SLC10A4: variants seen among roughly 807,000 people sequenced by gnomAD.
SLC10A4 encodes the protein putative sodium/bile acid cotransporter 4.
In SLC10A4, 17 loss-of-function variants were observed where a neutral mutation model predicts 22.5. The observed-to-expected ratio is 0.76, with a 90% confidence interval of 0.52 to 1.14. The LOEUF (loss-of-function observed/expected upper bound fraction) is 1.14. Ranked by LOEUF, SLC10A4 falls within the 50% of genes most tolerant of loss-of-function variation. The probability of loss-of-function intolerance (pLI) is 0.00; values close to 1 mark genes in which losing one functional copy is unlikely to be tolerated. For missense variants in SLC10A4, 548 were observed against 584.0 expected, an observed-to-expected ratio of 0.94 and a Z score of 0.64; for synonymous variants, 257 against 258.2, an observed-to-expected ratio of 1.00 and a Z score of 0.04.
At chr4:48,487,944 C>T (rs559829105) in intron 2 of SLC10A4, among the ~76,000 whole-genome samples, 2 of 151,492 alleles carry the variant, frequency 1.3e-5, no homozygotes, top group Non-Finnish European at 2.9e-5. Flanking sequence ...GCTGGGATTA[C>T]AGGCATTCAC....
In SLC10A4 at chr4:48,488,485, T is replaced by C. The variant is rs1560481052; in HGVS notation, c.860T>C (p.Met287Thr). 6.2e-7 allele frequency: 1 copy of C among 1,613,752 alleles called. No individual in the cohort carries two copies. The highest frequency in any genetic ancestry group is 2.2e-5 in the East Asian group (1 of 44,866). Residue 287 changes from methionine to threonine, a missense_variant, in exon 3 of 3, where the codon ATG (methionine) becomes ACG (threonine). By Grantham distance (81) the Met-to-Thr change is moderately conservative. This residue lies in a region of SLC10A4 where 314 missense variants were observed against 353.2 expected (regional missense o/e 0.89). Coordinates refer to ENST00000273861, the MANE Select transcript of SLC10A4 (RefSeq NM_152679.4). ...GTCCTTTTCATAATGACCGGCACTA[T>C]GTTAGGACCTGAACTGCTGGCAAGT... ...LVVLFIMTGT[M>T]LGPELLASIP... is the part of the protein sequence containing the mutation.
chr4:48,483,512 CGA>C lies in SLC10A4; in HGVS notation c.-46_-45del. 7.0e-7 allele frequency: 1 copy of C among 1,422,058 alleles called. No individual in the cohort carries two copies. Among genetic ancestry groups the C allele is most frequent in the Non-Finnish European group, 9.3e-7 (1 of 1,078,348 alleles). The allele number at this position is 1,422,058 out of a possible 1,614,324, so 88.1% of individuals were successfully genotyped here. A position where few individuals can be genotyped will look rare whatever the true frequency, so the allele number is the denominator to read the frequency against. ...GGCGACTGCGGCGACCGCGGGACGG[CGA>C]GAGGCACGCGGCGGGAGGGGACCGG... On this transcript the variant is annotated 5_prime_UTR_variant, in exon 1 of 3. Coordinates refer to ENST00000273861, the MANE Select transcript of SLC10A4 (RefSeq NM_152679.4). The surrounding 1 kb of genome is among the most constrained non-coding windows in gnomAD (Gnocchi z 5.4).
chr4:48,483,509 C>A lies in SLC10A4; in HGVS notation c.-53C>A, dbSNP rs1718216700. 1 of 1,408,038 alleles carries A rather than the reference C, an allele frequency of 7.1e-7. No individual in the cohort carries two copies. The highest frequency in any genetic ancestry group is 9.4e-7 in the Non-Finnish European group (1 of 1,068,188). The allele number at this position is 1,408,038 out of a possible 1,614,324, so 87.2% of individuals were successfully genotyped here. ...GGCGGCGACTGCGGCGACCGCGGGA[C>A]GGCGAGAGGCACGCGGCGGGAGGGG... On this transcript the variant is annotated 5_prime_UTR_variant, in exon 1 of 3. Transcript: ENST00000273861. The surrounding 1 kb of genome is among the most constrained non-coding windows in gnomAD (Gnocchi z 5.4).
At position 48,483,801 on chromosome 4, in the gene SLC10A4, C is replaced by CG; in HGVS notation, c.242dup (p.Ser83PhefsTer109). ...GCCTCGCGGGCGGCGCGGCGAGCCA[C>CG]GGCCCTTCCCCGTTCCCTCGGCCCT... On this transcript the variant is annotated frameshift_variant, in exon 1 of 3. Transcript: ENST00000273861. LOFTEE classifies it high-confidence loss of function. The surrounding 1 kb of genome is among the most constrained non-coding windows in gnomAD (Gnocchi z 5.4). The CG allele has an allele frequency of 6.6e-7, 1 of 1,513,142 alleles. No homozygotes were observed. Among genetic ancestry groups the CG allele is most frequent in the Middle Eastern group, 2.3e-4 (1 of 4,328 alleles). 93.7% of individuals were successfully genotyped at this position (1,513,142 alleles called of 1,614,324 possible). A position where few individuals can be genotyped will look rare whatever the true frequency, so the allele number is the denominator to read the frequency against.
At position 48,488,600 on chromosome 4, in the gene SLC10A4, A is replaced by G. The variant is rs34482685; in HGVS notation, c.975A>G (p.Pro325=). 1.9e-3 allele frequency: 3,010 copies of G among 1,613,928 alleles called. 44 individuals are homozygous for G. In the African/African-American group the frequency reaches 0.035, roughly 19 times the overall value. The change falls in exon 3 of 3, where the codon CCA becomes CCG. Residue 325 remains proline, a synonymous_variant. Transcript: ENST00000273861. ...GTTTAGCTACTCTCTTCCATCTTCC[A>G]CCCAACTGCAAGAGGACTGTATGTC... ...GYGLATLFHL[P]PNCKRTVCLE...
chr4:48,488,621 A>G lies in SLC10A4; in HGVS notation c.996A>G (p.Val332=). The change falls in exon 3 of 3, where the codon GTA becomes GTG. Residue 332 remains valine, a synonymous_variant. Coordinates refer to ENST00000273861, the MANE Select transcript of SLC10A4 (RefSeq NM_152679.4). ...TTCCACCCAACTGCAAGAGGACTGT[A>G]TGTCTGGAAACAGGTAGTCAGAATG... ...FHLPPNCKRT[V]CLETGSQNVQ... 6.2e-7 allele frequency: 1 copy of G among 1,614,138 alleles called. No homozygotes were observed. Among genetic ancestry groups the G allele is most frequent in the Non-Finnish European group, 8.5e-7 (1 of 1,180,026 alleles).
intron 1 of SLC10A4, 58 bp downstream of exon 1, chr4:48,484,209 G>T: frequency 6.8e-7 from 1 of 1,468,644 alleles, no homozygotes. Context: ...GTTTACGGCC[G>T]TGGGCTCACG....
rs1577769860 is a variant in SLC10A4, at chr4:48,489,005, T to G, written c.*66T>G. ...GCTTCATATTTATAGCCTGTGGTAG[T>G]GCACATGGTTAACATAAAAGATAAC... On this transcript the variant is annotated 3_prime_UTR_variant, in exon 3 of 3. Transcript: ENST00000273861. 4.7e-6 allele frequency: 7 copies of G among 1,491,424 alleles called. No homozygotes were observed. In the East Asian group the frequency reaches 1.1e-4, roughly 24 times the overall value. 92.4% of individuals were successfully genotyped at this position (1,491,424 alleles called of 1,614,324 possible). A position where few individuals can be genotyped will look rare whatever the true frequency, so the allele number is the denominator to read the frequency against.
chr4:48,488,458 T>C lies in SLC10A4; in HGVS notation c.833T>C (p.Val278Ala). The C allele has an allele frequency of 6.2e-7, 1 of 1,611,686 alleles. No homozygotes were observed. The highest frequency in any genetic ancestry group is 1.1e-5 in the South Asian group (1 of 90,776). Reference protein sequence around the residue: ...VSLWSLLVTLVVLFIMTGTML... With the variant: ...VSLWSLLVTLAVLFIMTGTML... ...CTGTGGTCTCTGCTAGTGACTCTGG[T>C]GGTCCTTTTCATAATGACCGGCACT... The change falls in exon 3 of 3, where the codon GTG becomes GCG. Residue 278 changes from valine (V) to alanine (A), a missense_variant. Transcript: ENST00000273861.
intron 2 of SLC10A4, 30 bp downstream of exon 2, chr4:48,485,172 G>T (rs1718263428): frequency 2.0e-5 from 32 of 1,601,962 alleles, no homozygotes; most frequent in Non-Finnish European, 2.7e-5. Flanking sequence ...TTCCATACTA[G>T]CTTGGAGAGC....
chr4:48,488,905 T>C lies in SLC10A4; in HGVS notation c.1280T>C (p.Ile427Thr), dbSNP rs557480191. Residue 427 changes from isoleucine (I) to threonine (T), a missense_variant, in exon 3 of 3, where the codon ATA (isoleucine) becomes ACA (threonine). Transcript: ENST00000273861. ...TSYGTVKAEN[I>T]IMMETAQTSL is the part of the protein sequence containing the mutation. ...TATGGCACAGTGAAAGCAGAAAATA[T>C]AATAATGATGGAAACCGCTCAGACT... 3 of 1,606,606 alleles carry C rather than the reference T, an allele frequency of 1.9e-6. No individual in the cohort carries two copies. Among genetic ancestry groups the C allele is most frequent in the Admixed American group, 1.7e-5 (1 of 58,514 alleles).
At chr4:48,485,487 G>A (rs1359615436) in intron 2 of SLC10A4, among the ~76,000 whole-genome samples, 1 of 144,220 alleles carries the variant, frequency 6.9e-6, no homozygotes, top group Non-Finnish European at 1.5e-5. Flanking sequence ...CATAAAAGCA[G>A]ATTAAATAAA....
At position 48,483,642 on chromosome 4, in the gene SLC10A4, C is replaced by A; in HGVS notation, c.81C>A (p.Ser27Arg). The part of the protein sequence containing the change: ...DNYTLAPNAS[S>R]LGPGTDLALA... ...ACACCCTGGCGCCCAATGCCAGCAGCCTGGGCCCCGGCACGGACCTCGCCC... is the reference window on the plus strand; with the variant it reads ...ACACCCTGGCGCCCAATGCCAGCAGACTGGGCCCCGGCACGGACCTCGCCC... Residue 27 changes from serine to arginine, a missense_variant, in exon 1 of 3, where the codon AGC becomes AGA. Physicochemically the swap from Ser to Arg is moderately radical, Grantham distance 110. This residue lies in a region of SLC10A4 where 225 missense variants were observed against 206.9 expected (regional missense o/e 1.09). Coordinates refer to ENST00000273861, the MANE Select transcript of SLC10A4 (RefSeq NM_152679.4). The surrounding 1 kb of genome is among the most constrained non-coding windows in gnomAD (Gnocchi z 5.4). 1 of 1,491,144 alleles carries A rather than the reference C, an allele frequency of 6.7e-7. No individual in the cohort carries two copies. Among genetic ancestry groups the A allele is most frequent in the South Asian group, 1.3e-5 (1 of 79,966 alleles). 92.4% of individuals were successfully genotyped at this position (1,491,144 alleles called of 1,614,324 possible).
rs146029985 is a variant in SLC10A4, at chr4:48,488,922, G to A, written c.1297G>A (p.Ala433Thr). ...KAENIIMMET[A>T]QTSL is the part of the protein sequence containing the mutation. ...AGAAAATATAATAATGATGGAAACC[G>A]CTCAGACTTCTCTCTAAATGTGGAG... The change falls in exon 3 of 3, where the codon GCT becomes ACT. Residue 433 changes from alanine to threonine, a missense_variant. Physicochemically the swap from Ala to Thr is moderately conservative, Grantham distance 58. Coordinates refer to ENST00000273861, the MANE Select transcript of SLC10A4 (RefSeq NM_152679.4). 75 of 1,594,168 alleles carry A rather than the reference G, an allele frequency of 4.7e-5. No individual in the cohort carries two copies. In the African/African-American group the frequency reaches 7.0e-4, roughly 15 times the overall value.
intron 2 of SLC10A4, among the ~76,000 whole-genome samples, chr4:48,486,374 C>A (rs1200866482): frequency 1.3e-5 from 2 of 151,750 alleles, no homozygotes; most frequent in African/African-American, 2.4e-5. Flanking sequence ...GCATTAAGAA[C>A]TTGTTAATCT....
At position 48,483,795 on chromosome 4, in the gene SLC10A4, G is replaced by A; in HGVS notation, c.234G>A (p.Ala78=). 6.6e-7 allele frequency: 1 copy of A among 1,505,016 alleles called. No individual in the cohort carries two copies. 93.2% of individuals were successfully genotyped at this position (1,505,016 alleles called of 1,614,324 possible). A position where few individuals can be genotyped will look rare whatever the true frequency, so the allele number is the denominator to read the frequency against. Residue 78 remains alanine (A), a synonymous_variant, in exon 1 of 3, where the codon GCG becomes GCA. Transcript: ENST00000273861. The surrounding 1 kb of genome is among the most constrained non-coding windows in gnomAD (Gnocchi z 5.4). ...PTTSGLAGGA[A]SHGPSPFPRP... ...CCAGCGGCCTCGCGGGCGGCGCGGC[G>A]AGCCACGGCCCTTCCCCGTTCCCTC...
rs181939567 is a variant in SLC10A4 at position 48,487,958 on chromosome 4, C to T, written c.802-469C>T. Among the ~76,000 whole-genome samples, 5 of 151,622 alleles carry T rather than the reference C, an allele frequency of 3.3e-5. No homozygotes were observed. In the South Asian group the frequency reaches 1.0e-3, roughly 32 times the overall value. On this transcript the variant is annotated intron_variant, in intron 2 of 2. Transcript: ENST00000273861. Reference sequence around the variant, plus strand: ...AGCTGGGATTACAGGCATTCACCATCACACCTGGCTAATTTTTGTATTTTT... The same window carrying T: ...AGCTGGGATTACAGGCATTCACCATTACACCTGGCTAATTTTTGTATTTTT...
Position 48,488,459 on chromosome 4 carries a change from G to T in SLC10A4, c.834G>T (p.Val278=), listed in dbSNP as rs1363573881. The change falls in exon 3 of 3, where the codon GTG becomes GTT. Residue 278 remains valine (V), a synonymous_variant. Coordinates refer to ENST00000273861, the MANE Select transcript of SLC10A4 (RefSeq NM_152679.4). ...VSLWSLLVTL[V]VLFIMTGTML... ...TGTGGTCTCTGCTAGTGACTCTGGTGGTCCTTTTCATAATGACCGGCACTA... is the reference window on the plus strand; with the variant it reads ...TGTGGTCTCTGCTAGTGACTCTGGTTGTCCTTTTCATAATGACCGGCACTA... The T allele has an allele frequency of 6.2e-7, 1 of 1,611,614 alleles. No homozygotes were observed. The highest frequency in any genetic ancestry group is 8.5e-7 in the Non-Finnish European group (1 of 1,178,672).
In SLC10A4 at chr4:48,485,119, C is replaced by A; in HGVS notation, c.778C>A (p.Arg260=). 1 of 1,614,112 alleles carries A rather than the reference C, an allele frequency of 6.2e-7. No individual in the cohort carries two copies. The highest frequency in any genetic ancestry group is 8.5e-7 in the Non-Finnish European group (1 of 1,180,014). ...LGVFIRYKYS[R]VADYIVKVSL... The stretch of plus-strand genomic sequence containing the variant: ...CGTCTTCATTCGCTACAAATACAGC[C>A]GGGTGGCTGACTACATTGTGAAGGT... The change falls in exon 2 of 3, where the codon CGG becomes AGG. Residue 260 remains arginine, a synonymous_variant. Transcript: ENST00000273861.
Sources: gnomAD v4.1 joint callset for allele counts (sites outside exome capture counted in the v4.1 genomes callset) on GRCh38, gnomAD v4.1.1 for gene constraint, gnomAD v4.1.1 regional missense constraint, Gnocchi (gnomAD v3.1) non-coding constraint, MANE v1.5 for transcripts, NCBI Gene and HGNC (gene_info 2026-07-23, HGNC 2026-07-21) for gene names.